The following CAB39 variants were observed in gnomAD, a reference collection of about 807,000 sequenced individuals.
CAB39 encodes calcium binding protein 39, also known as calcium-binding protein 39.
CAB39 carries 8 observed loss-of-function variants against 40.0 expected under a neutral mutation model. That is an observed-to-expected ratio of 0.20 (90% CI 0.12 to 0.36). The LOEUF (loss-of-function observed/expected upper bound fraction) is 0.36, where lower values mean the gene tolerates loss of function less well. Ranked by LOEUF, CAB39 falls within the 10% of genes least tolerant of loss-of-function variation. The pLI is 1.00. For synonymous variants in CAB39, 156 were observed against 141.6 expected (o/e 1.10, Z -0.72); for missense variants, 270 against 401.1 (o/e 0.67, Z 2.79).
chr2:230,722,082 A>G (rs1694464214), intron 1 of CAB39, among the ~76,000 whole-genome samples: 1 of 151,480 alleles, frequency 6.6e-6, no homozygotes, highest in Admixed American at 6.6e-5. Flanking sequence ...GCAGTGAGAA[A>G]TTATATTTTT....
At chr2:230,792,415 ATC>A (rs1478500112) in intron 3 of CAB39, among the ~76,000 whole-genome samples, 1 of 152,162 alleles carries the variant, frequency 6.6e-6, no homozygotes, top group African/African-American at 2.4e-5. Flanking sequence ...GCCCAGGATG[ATC>A]TCTCTGTCTG....
chr2:230,775,097 A>G lies in CAB39; in HGVS notation c.114+14982A>G, dbSNP rs1695562300. Among the ~76,000 whole-genome samples the G allele has an allele frequency of 2.0e-5, 3 of 152,138 alleles. No homozygotes were observed. In the South Asian group the frequency reaches 6.2e-4, roughly 31 times the overall value. On this transcript the variant is annotated intron_variant, in intron 2 of 8. Coordinates refer to ENST00000258418, the MANE Select transcript of CAB39 (RefSeq NM_016289.4). ...TTCAGGCAGTAAATATAAATGGGTAAATATTTAGAGGACTCTTGTTTAAAA... is the reference window on the plus strand; with the variant it reads ...TTCAGGCAGTAAATATAAATGGGTAGATATTTAGAGGACTCTTGTTTAAAA...
chr2:230,812,295 T>C (rs1273462930), intron 6 of CAB39, among the ~76,000 whole-genome samples: 1 of 152,108 alleles, frequency 6.6e-6, no homozygotes, highest in African/African-American at 2.4e-5. Flanking sequence ...TTGCAGTAAA[T>C]AAAATGCTCA....
At chr2:230,817,225 G>A (rs1218034125) in intron 7 of CAB39, among the ~76,000 whole-genome samples, 4 of 152,196 alleles carry the variant, frequency 2.6e-5, no homozygotes, top group African/African-American at 9.7e-5. Flanking sequence ...ACTCACTTGT[G>A]TAAACCTTTC....
Position 230,748,825 on chromosome 2 carries a change from AAAAAAAATATATAT to A in CAB39, c.-43-11132_-43-11119del, listed in dbSNP as rs1214098080. 3.3e-3 allele frequency among the ~76,000 whole-genome samples: 193 copies of A among 59,210 alleles called. 3 individuals carry two copies. Among genetic ancestry groups the A allele is most frequent in the African/African-American group, 0.011 (174 of 16,506 alleles). 38.8% of individuals were successfully genotyped at this position (59,210 alleles called of 152,430 possible). ...CTATTTCCAAAAAGAAAAAAAAAAA[AAAAAAAATATATAT>A]ATATATATATATATATATATATATA... On this transcript the variant is annotated intron_variant, in intron 1 of 8. Transcript: ENST00000258418.
chr2:230,775,328 C>T (rs1436514224), intron 2 of CAB39, among the ~76,000 whole-genome samples: 2 of 148,900 alleles, frequency 1.3e-5, no homozygotes, highest in African/African-American at 5.0e-5. Flanking sequence ...CTCCGCCTCC[C>T]GGGTTCAACT....
rs532324957 is a variant in CAB39, at chr2:230,728,262, A to G, written c.-44+15032A>G. ...CAAAAATAAATAAATAAATAAATAA[A>G]TAAAAACTAGCCTAAACTCTTAAAA... On this transcript the variant is annotated intron_variant, in intron 1 of 8. Coordinates refer to ENST00000258418, the MANE Select transcript of CAB39 (RefSeq NM_016289.4). Among the ~76,000 whole-genome samples, 4 of 152,286 alleles carry G rather than the reference A, an allele frequency of 2.6e-5. No homozygotes were observed. The East Asian group carries it at 7.7e-4, about 29-fold the overall frequency.
At chr2:230,742,622 A>G (rs1694902091) in intron 1 of CAB39, among the ~76,000 whole-genome samples, 1 of 152,128 alleles carries the variant, frequency 6.6e-6, no homozygotes, top group Non-Finnish European at 1.5e-5. Flanking sequence ...TCGATATCCT[A>G]CAAGTCAATA....
intron 1 of CAB39, among the ~76,000 whole-genome samples, chr2:230,726,862 T>C (rs894856233): frequency 4.6e-5 from 7 of 150,670 alleles, no homozygotes; most frequent in African/African-American, 1.5e-4. Flanking sequence ...TTTAATCTTA[T>C]GGAAGCTCCC....
At chr2:230,721,657 GTTGT>G (rs1694455976) in intron 1 of CAB39, among the ~76,000 whole-genome samples, 1 of 152,172 alleles carries the variant, frequency 6.6e-6, no homozygotes, top group African/African-American at 2.4e-5. Flanking sequence ...AGAGAGATTA[GTTGT>G]TTGTAGGAGA....
chr2:230,813,388 C>G (rs1323487655), intron 6 of CAB39, among the ~76,000 whole-genome samples: 1 of 152,134 alleles, frequency 6.6e-6, no homozygotes, highest in African/African-American at 2.4e-5. Flanking sequence ...CCCGGGGCTT[C>G]ATTCATACTA....
intron 4 of CAB39, among the ~76,000 whole-genome samples, chr2:230,794,832 C>A (rs1695953108): frequency 8.1e-6 from 1 of 123,630 alleles, no homozygotes. Flanking sequence ...TTTCCTCTGA[C>A]ACATGACATC....
intron 4 of CAB39, among the ~76,000 whole-genome samples, chr2:230,794,034 A>C (rs1361759899): frequency 6.6e-6 from 1 of 152,196 alleles, no homozygotes; most frequent in African/African-American, 2.4e-5. Context: ...GTTGTGTGCC[A>C]GCCCCGGGTA....
intron 2 of CAB39, among the ~76,000 whole-genome samples, chr2:230,770,844 TA>T (rs756316802): frequency 6.6e-6 from 1 of 151,792 alleles, no homozygotes; most frequent in Non-Finnish European, 1.5e-5. Flanking sequence ...CTATTCCTGA[TA>T]AAAAAAATAA....
intron 5 of CAB39, among the ~76,000 whole-genome samples, chr2:230,805,670 GA>G (rs762857399): frequency 4.6e-5 from 7 of 152,182 alleles, no homozygotes; most frequent in Non-Finnish European, 7.3e-5. Context: ...TTAGCTGTTA[GA>G]ATTACTCCTT....
chr2:230,747,554 C>T lies in CAB39; in HGVS notation c.-43-12405C>T, dbSNP rs145321762. Among the ~76,000 whole-genome samples, 363 of 152,310 alleles carry T rather than the reference C, an allele frequency of 2.4e-3. 1 individual carries two copies. Among genetic ancestry groups the T allele is most frequent in the African/African-American group, 8.4e-3 (348 of 41,564 alleles). On this transcript the variant is annotated intron_variant, in intron 1 of 8. Coordinates refer to ENST00000258418, the MANE Select transcript of CAB39 (RefSeq NM_016289.4). The stretch of plus-strand genomic sequence containing the variant: ...TAGAAGGAAAAGGTAGTGTTTATGT[C>T]TGAAACATGGATTACAGTGGTCACA...
At chr2:230,808,510 A>G (rs3792068) in intron 5 of CAB39, among the ~76,000 whole-genome samples, 22,353 of 152,204 alleles carry the variant, frequency 0.15, 2,438 homozygotes, top group African/African-American at 0.31. Flanking sequence ...CTCTCTCTGC[A>G]TCTGTGACCC....
chr2:230,719,445 C>A (rs75433271), intron 1 of CAB39, among the ~76,000 whole-genome samples: 1 of 151,988 alleles, frequency 6.6e-6, no homozygotes, highest in African/African-American at 2.4e-5. Context: ...TAAATAGATC[C>A]GAATTTGGAT....
intron 3 of CAB39, among the ~76,000 whole-genome samples, chr2:230,791,943 C>T (rs1695899434): frequency 6.6e-6 from 1 of 152,126 alleles, no homozygotes. Context: ...TTGTTTTAAG[C>T]CCCAGTGTTT....
Sources: allele counts gnomAD v4.1 joint callset (sites outside exome capture counted in the v4.1 genomes callset), GRCh38; gene constraint gnomAD v4.1.1; transcripts MANE v1.5; gene names NCBI Gene and HGNC (gene_info 2026-07-23, HGNC 2026-07-21).